Variants in DIO2 observed in about 807,000 individuals in gnomAD.
DIO2 encodes iodothyronine deiodinase 2.
DIO2 carries 19 observed loss-of-function variants against 21.4 expected under a neutral mutation model. The ratio of observed to expected loss-of-function variants is 0.89; its 90% CI spans 0.62 to 1.30. The LOEUF (loss-of-function observed/expected upper bound fraction) is 1.30, where lower values mean the gene tolerates loss of function less well. Ranked by LOEUF, DIO2 falls within the 50% of genes most tolerant of loss-of-function variation. The pLI, the probability that DIO2 is intolerant of heterozygous loss-of-function variation, is 0.00. For synonymous variants in DIO2, 122 were observed against 132.9 expected, an observed-to-expected ratio of 0.92 and a Z score of 0.57; for missense variants, 302 against 338.1, an observed-to-expected ratio of 0.89 and a Z score of 0.84.
chr14:80,207,287 T>TG (rs1269144825), intron 1 of DIO2, among the ~76,000 whole-genome samples: 1 of 152,156 alleles, frequency 6.6e-6, no homozygotes, highest in Non-Finnish European at 1.5e-5. Flanking sequence ...GTTCAGTGCA[T>TG]GGGGAAAAAG....
At chr14:80,205,654 T>C (rs760853066) in intron 1 of DIO2, 4 of 1,336,160 alleles carry the variant, frequency 3.0e-6, no homozygotes, top group Middle Eastern at 2.1e-4. Flanking sequence ...TTAGAAACAA[T>C]GTATAGTTCA....
chr14:80,198,315 CAT>C lies in DIO2; in HGVS notation c.*4372_*4373del, dbSNP rs999863717. The stretch of plus-strand genomic sequence containing the variant: ...GAGCAGTCTTGTTTGGATATCTGCA[CAT>C]GTTTGCTTTCTATTGGTTCAGACTC... On this transcript the variant is annotated 3_prime_UTR_variant, in exon 2 of 2. Transcript: ENST00000438257. The C allele has an allele frequency of 5.9e-5, 9 of 152,646 alleles. No individual in the cohort carries two copies. Among genetic ancestry groups the C allele is most frequent in the Admixed American group, 2.0e-4 (3 of 15,280 alleles). 9.5% of individuals were successfully genotyped at this position (152,646 alleles called of 1,614,324 possible). A position where few individuals can be genotyped will look rare whatever the true frequency, so the allele number is the denominator to read the frequency against.
chr14:80,226,005 T>A (rs1371323360), intron 2 of DIO2, among the ~76,000 whole-genome samples: 2 of 152,140 alleles, frequency 1.3e-5, no homozygotes, highest in Non-Finnish European at 2.9e-5. Context: ...ATCAGCAGAA[T>A]GTAATGTCAC....
intron 1 of DIO2, among the ~76,000 whole-genome samples, chr14:80,208,539 T>C (rs1315295781): frequency 6.6e-6 from 1 of 152,226 alleles, no homozygotes; most frequent in African/African-American, 2.4e-5. Context: ...GTAAATCACA[T>C]GTGTAGTTGT....
intron 1 of DIO2, among the ~76,000 whole-genome samples, chr14:80,204,161 C>A (rs1452970020): frequency 6.6e-6 from 1 of 151,902 alleles, no homozygotes; most frequent in Admixed American, 6.6e-5. Context: ...ACTGCCACTG[C>A]TTACAAGGTG....
chr14:80,230,061 G>T (rs1249147608), intron 2 of DIO2, among the ~76,000 whole-genome samples: 1 of 152,144 alleles, frequency 6.6e-6, no homozygotes, highest in Non-Finnish European at 1.5e-5. Flanking sequence ...GGCCATCGCT[G>T]TTGCCTCAGG....
chr14:80,228,928 A>G (rs1864893309), intron 2 of DIO2, among the ~76,000 whole-genome samples: 2 of 152,292 alleles, frequency 1.3e-5, no homozygotes, highest in African/African-American at 2.4e-5. Context: ...CCTTTCTCCA[A>G]TGCACAGCTA....
At chr14:80,224,908 C>A (rs190645446) in intron 2 of DIO2, among the ~76,000 whole-genome samples, 178 of 152,210 alleles carry the variant, frequency 1.2e-3, no homozygotes, top group Non-Finnish European at 2.2e-3. Flanking sequence ...CAAGGTCCCA[C>A]AATAGGCTGT....
At chr14:80,230,031 C>T (rs1888654732) in intron 2 of DIO2, among the ~76,000 whole-genome samples, 1 of 152,090 alleles carries the variant, frequency 6.6e-6, no homozygotes, top group Non-Finnish European at 1.5e-5. Context: ...GTTATTTTTC[C>T]TGGCAATTGC....
intron 2 of DIO2, among the ~76,000 whole-genome samples, chr14:80,217,164 T>C (rs988073054): frequency 6.6e-6 from 1 of 152,200 alleles, no homozygotes; most frequent in African/African-American, 2.4e-5. Flanking sequence ...GAATGAACTG[T>C]AGCATGAAAA....
At chr14:80,213,030 C>T (rs547488606), upstream of DIO2, among the ~76,000 whole-genome samples, 1 of 152,090 alleles carries the variant, frequency 6.6e-6, no homozygotes, top group South Asian at 2.1e-4. Context: ...TAGCATAACC[C>T]CTAAGAGACC....
intron 3 of DIO2, chr14:80,216,660 A>AATAT: frequency 6.6e-6 from 1 of 152,268 alleles, no homozygotes; most frequent in Admixed American, 6.5e-5. Context: ...TAAATAAATA[A>AATAT]AAAGCTGAAA....
chr14:80,211,329 G>A lies in DIO2; in HGVS notation c.144C>T (p.Arg48=), dbSNP rs755131907. ...AGGTCAGCATGCGCCGCCACTCTCC[G>A]CGAGTGGACTTGGAGCGGCTCAACA... ...VLLLSRSKST[R]GEWRRMLTSE... Residue 48 remains arginine (R), a synonymous_variant, in exon 1 of 2, where the codon CGC becomes CGT. Coordinates refer to ENST00000438257, the MANE Select transcript of DIO2 (RefSeq NM_013989.5). The A allele has an allele frequency of 1.1e-5, 17 of 1,613,604 alleles. No individual in the cohort carries two copies. The highest frequency in any genetic ancestry group is 1.3e-5 in the African/African-American group (1 of 74,862).
intron 2 of DIO2, among the ~76,000 whole-genome samples, chr14:80,220,726 C>A (rs1351763055): frequency 1.3e-5 from 2 of 152,118 alleles, no homozygotes; most frequent in Non-Finnish European, 2.9e-5. Context: ...TCAGTCTAAA[C>A]CTCAGGAAAT....
At chr14:80,216,442 T>G (rs1365210529), upstream of DIO2, among the ~76,000 whole-genome samples, 1 of 152,164 alleles carries the variant, frequency 6.6e-6, no homozygotes, top group Non-Finnish European at 1.5e-5. Context: ...TGGCCTAGTC[T>G]GGATCCACAT....
chr14:80,205,302 C>A (rs995563603), intron 1 of DIO2, among the ~76,000 whole-genome samples: 1 of 152,072 alleles, frequency 6.6e-6, no homozygotes, highest in African/African-American at 2.4e-5. Flanking sequence ...TTAACAATAT[C>A]ATGTGTACTG....
At chr14:80,216,494 G>A (rs1261024223), upstream of DIO2, among the ~76,000 whole-genome samples, 3 of 152,140 alleles carry the variant, frequency 2.0e-5, no homozygotes, top group African/African-American at 7.2e-5. Context: ...ACCTCTCCAG[G>A]TGCCTTGACT....
intron 2 of DIO2, among the ~76,000 whole-genome samples, chr14:80,225,786 A>C (rs1166458316): frequency 6.6e-6 from 1 of 152,100 alleles, no homozygotes; most frequent in Non-Finnish European, 1.5e-5. Flanking sequence ...AGGGCATGGT[A>C]ATACTAAGAG....
At chr14:80,226,890 G>A (rs538130351) in intron 2 of DIO2, among the ~76,000 whole-genome samples, 2 of 152,312 alleles carry the variant, frequency 1.3e-5, no homozygotes, top group Non-Finnish European at 2.9e-5. Flanking sequence ...TTTTTGACCA[G>A]AGAGATCCAT....
Sources: allele counts gnomAD v4.1 joint callset (sites outside exome capture counted in the v4.1 genomes callset), GRCh38; gene constraint gnomAD v4.1.1; transcripts MANE v1.5; gene names NCBI Gene and HGNC (gene_info 2026-07-23, HGNC 2026-07-21).